Variants in MYB observed in about 807,000 individuals in gnomAD.
MYB encodes MYB proto-oncogene, transcription factor, also known as transcriptional activator Myb.
Under a neutral mutation model 92.9 loss-of-function variants are expected in MYB, and 28 were observed. The observed-to-expected ratio is 0.30, with a 90% CI of 0.22 to 0.41. The LOEUF (loss-of-function observed/expected upper bound fraction) is 0.41, where lower values mean the gene tolerates loss of function less well. MYB is among the 10% of genes least tolerant of loss of function. MYB has a pLI of 1.00. For missense variants in MYB, 679 were observed against 929.3 expected (o/e 0.73, Z 3.50); for synonymous variants, 295 against 329.1 (o/e 0.90, Z 1.12).
chr6:135,194,479 G>A lies in MYB; in HGVS notation c.948+19G>A. 6.4e-7 allele frequency: 1 copy of A among 1,561,496 alleles called. No homozygotes were observed. Among genetic ancestry groups the A allele is most frequent in the Non-Finnish European group, 8.8e-7 (1 of 1,134,898 alleles). ...GCTACCAGTAAGACTGTCATCATGT[G>A]CTTGAATGAGGGGATAGCAGCTTTG... On this transcript the variant is annotated intron_variant, in intron 8 of 15. Transcript: ENST00000341911.
Position 135,200,343 on chromosome 6 carries a change from A to G in MYB, c.1878A>G (p.Glu626=). 1 of 1,614,148 alleles carries G rather than the reference A, an allele frequency of 6.2e-7. No individual in the cohort carries two copies. The highest frequency in any genetic ancestry group is 8.5e-7 in the Non-Finnish European group (1 of 1,180,006). Reference sequence around the variant, plus strand: ...ATCTGCAGGATGTGATCAAACAGGAATCTGATGAATCTGGAATTGTTGCTG... The same window carrying G: ...ATCTGCAGGATGTGATCAAACAGGAGTCTGATGAATCTGGAATTGTTGCTG... ...VEDLQDVIKQ[E]SDESGIVAEF... is the part of the protein sequence containing the mutation. Residue 626 remains glutamate, a synonymous_variant, in exon 13 of 16, where the codon GAA becomes GAG. Coordinates refer to ENST00000341911, the MANE Select transcript of MYB (RefSeq NM_001130173.2).
In MYB at chr6:135,198,964, T is replaced by A; in HGVS notation, c.1623T>A (p.Thr541=). 6.2e-7 allele frequency: 1 copy of A among 1,611,832 alleles called. No individual in the cohort carries two copies. Residue 541 remains threonine, a synonymous_variant, in exon 11 of 16, where the codon ACT becomes ACA. Coordinates refer to ENST00000341911, the MANE Select transcript of MYB (RefSeq NM_001130173.2). ...CAGACTTGGAAATGCCTTCTTTAAC[T>A]TCCACCCCCCTCATTGGTCACAAAT... ...ENSDLEMPSL[T]STPLIGHKLT... is the part of the protein sequence containing the mutation.
chr6:135,213,754 C>T (rs1315826497), intron 15 of MYB, among the ~76,000 whole-genome samples: 1 of 151,848 alleles, frequency 6.6e-6, no homozygotes, highest in Non-Finnish European at 1.5e-5. Flanking sequence ...TAGTGTAGCA[C>T]CTGCCTGTAG....
rs2128328168 is a variant in MYB at position 135,218,028 on chromosome 6, T to C, written c.*48T>C. 4 of 1,395,980 alleles carry C rather than the reference T, an allele frequency of 2.9e-6. No homozygotes were observed. In the East Asian group the frequency reaches 9.1e-5, roughly 32 times the overall value. The allele number at this position is 1,395,980 out of a possible 1,614,324, so 86.5% of individuals were successfully genotyped here. On this transcript the variant is annotated 3_prime_UTR_variant, in exon 16 of 16. Transcript: ENST00000341911. ...GGTTTTCAGAACACTTCAAGTTGAC[T>C]TGGGATATATCATTCCTCAACATGA...
At position 135,190,551 on chromosome 6, in the gene MYB, C is replaced by G. The variant is rs1217757884; in HGVS notation, c.527+204C>G. Among the ~76,000 whole-genome samples, 1 of 152,110 alleles carries G rather than the reference C, an allele frequency of 6.6e-6. No homozygotes were observed. Among genetic ancestry groups the G allele is most frequent in the Non-Finnish European group, 1.5e-5 (1 of 68,028 alleles). On this transcript the variant is annotated intron_variant, in intron 5 of 15. Transcript: ENST00000341911. The surrounding 1 kb of genome is among the most constrained non-coding windows in gnomAD (Gnocchi z 4.5). ...TTCCAGGATCCACCTGACAGTGAGCCCTGGGTGAAGACATTTAGCTTTCCC... is the reference window on the plus strand; with the variant it reads ...TTCCAGGATCCACCTGACAGTGAGCGCTGGGTGAAGACATTTAGCTTTCCC...
chr6:135,194,764 T>A, intron 8 of MYB: 1 of 614,244 alleles, frequency 1.6e-6, no homozygotes, highest in Non-Finnish European at 2.6e-6. Flanking sequence ...TGAATGAAAA[T>A]CTGCATTTTC....
chr6:135,214,042 G>T (rs1442203135), intron 15 of MYB, among the ~76,000 whole-genome samples: 3 of 152,094 alleles, frequency 2.0e-5, no homozygotes, highest in Non-Finnish European at 4.4e-5. Context: ...AGAGGCCAAG[G>T]CAGGAAGATC....
rs1583214388 is a variant in MYB at position 135,181,590 on chromosome 6, G to A, written c.23+54G>A. On this transcript the variant is annotated intron_variant, in intron 1 of 15. Transcript: ENST00000341911. The surrounding 1 kb of genome is among the most constrained non-coding windows in gnomAD (Gnocchi z 5.3). ...GGCGGGGGCGCGCGGGGGCGCGCGG[G>A]GCGCCAGGCTCCCGGGAGCAGGTGG... The A allele has an allele frequency of 1.8e-6, 2 of 1,103,594 alleles. No individual in the cohort carries two copies. The highest frequency in any genetic ancestry group is 2.2e-6 in the Non-Finnish European group (2 of 890,816). 68.4% of individuals were successfully genotyped at this position (1,103,594 alleles called of 1,614,324 possible).
chr6:135,197,615 G>A (rs1777511022), intron 10 of MYB, among the ~76,000 whole-genome samples: 2 of 152,122 alleles, frequency 1.3e-5, no homozygotes, highest in African/African-American at 4.8e-5. Flanking sequence ...TAACATTTCT[G>A]TCCCTTTCTT....
At position 135,181,817 on chromosome 6, in the gene MYB, A is replaced by G. The variant is rs2128278068; in HGVS notation, c.23+281A>G. 6.6e-6 allele frequency among the ~76,000 whole-genome samples: 1 copy of G among 152,298 alleles called. No homozygotes were observed. The highest frequency in any genetic ancestry group is 2.1e-4 in the South Asian group (1 of 4,822). The stretch of plus-strand genomic sequence containing the variant: ...TTTTCTTTAGGGGGAAAAAGAAAGC[A>G]CGTTCCAGCCGAGGGCAGAGCGGTG... On this transcript the variant is annotated intron_variant, in intron 1 of 15. Transcript: ENST00000341911. The surrounding 1 kb of genome is among the most constrained non-coding windows in gnomAD (Gnocchi z 5.3).
rs756740713 is a variant in MYB at position 135,190,077 on chromosome 6, C to T, written c.307-50C>T. 1 of 1,565,852 alleles carries T rather than the reference C, an allele frequency of 6.4e-7. No individual in the cohort carries two copies. Among genetic ancestry groups the T allele is most frequent in the Admixed American group, 1.7e-5 (1 of 58,308 alleles). ...TAACACTGAAGAATGATTATACTGA[C>T]TCATTACATAACTTTAAAACATAGG... is the stretch of plus-strand genomic sequence containing the variant. On this transcript the variant is annotated intron_variant, in intron 4 of 15. Coordinates refer to ENST00000341911, the MANE Select transcript of MYB (RefSeq NM_001130173.2). The surrounding 1 kb of genome is among the most constrained non-coding windows in gnomAD (Gnocchi z 4.5).
intron 6 of MYB, 56 bp from the exon 7 acceptor site, chr6:135,193,782 C>G: frequency 1.6e-6 from 2 of 1,265,532 alleles, no homozygotes; most frequent in Non-Finnish European, 2.3e-6. Context: ...AGCCAAGTCC[C>G]CTGAAGCATA....
At position 135,199,973 on chromosome 6, in the gene MYB, A is replaced by T. The variant is rs1402478648; in HGVS notation, c.1710-112A>T. On this transcript the variant is annotated intron_variant, in intron 11 of 15. Transcript: ENST00000341911. ...ATTAATCAGCACACCCCAATTCCATATCCGGAACAGAGTTTATTGTATTCA... is the reference window on the plus strand; with the variant it reads ...ATTAATCAGCACACCCCAATTCCATTTCCGGAACAGAGTTTATTGTATTCA... 4 of 803,012 alleles carry T rather than the reference A, an allele frequency of 5.0e-6. No homozygotes were observed. In the African/African-American group the frequency reaches 7.0e-5, roughly 14 times the overall value. The allele number at this position is 803,012 out of a possible 1,614,324, so 49.7% of individuals were successfully genotyped here.
chr6:135,204,686 G>C (rs562812908), intron 15 of MYB, among the ~76,000 whole-genome samples: 1 of 152,306 alleles, frequency 6.6e-6, no homozygotes, highest in Admixed American at 6.5e-5. Context: ...GCCTCTCTCT[G>C]ACAGCAATTG....
chr6:135,211,062 G>A (rs117994142), intron 15 of MYB, among the ~76,000 whole-genome samples: 200 of 151,924 alleles, frequency 1.3e-3, no homozygotes, highest in Non-Finnish European at 2.1e-3. Context: ...GTCAGACCTC[G>A]CGGTATGATG....
intron 1 of MYB, among the ~76,000 whole-genome samples, chr6:135,183,663 C>A (rs1484614894): frequency 6.6e-6 from 1 of 152,230 alleles, no homozygotes; most frequent in East Asian, 1.9e-4. Flanking sequence ...CCTGGGTGGC[C>A]AGCCTGGCAG....
intron 9 of MYB, 84 bp from the exon 10 acceptor site, chr6:135,196,877 C>G: frequency 6.3e-7 from 1 of 1,584,384 alleles, no homozygotes; most frequent in South Asian, 1.1e-5. Flanking sequence ...GTTTGCTTTG[C>G]GTTGAGCATC....
At chr6:135,193,748 C>T (rs1478932741) in intron 6 of MYB, 90 bp from the exon 7 acceptor site, 5 of 771,138 alleles carry the variant, frequency 6.5e-6, no homozygotes, top group Admixed American at 4.7e-5. Context: ...TTTTTTCTCT[C>T]AGTCCCAGAA....
In MYB at chr6:135,181,839, G is replaced by T. The variant is rs748567461; in HGVS notation, c.23+303G>T. On this transcript the variant is annotated intron_variant, in intron 1 of 15. Coordinates refer to ENST00000341911, the MANE Select transcript of MYB (RefSeq NM_001130173.2). This position sits in a 1 kb window ranked among gnomAD's most constrained non-coding sequence, Gnocchi z 5.3. ...AGCACGTTCCAGCCGAGGGCAGAGCGGTGCCCACCAGCCCCGGGGAGCCCA... is the reference window on the plus strand; with the variant it reads ...AGCACGTTCCAGCCGAGGGCAGAGCTGTGCCCACCAGCCCCGGGGAGCCCA... Among the ~76,000 whole-genome samples the T allele has an allele frequency of 2.0e-5, 3 of 152,240 alleles. No individual in the cohort carries two copies. The highest frequency in any genetic ancestry group is 2.9e-5 in the Non-Finnish European group (2 of 68,036).
Sources: allele counts gnomAD v4.1 joint callset (sites outside exome capture counted in the v4.1 genomes callset), GRCh38; gene constraint gnomAD v4.1.1; non-coding constraint Gnocchi (gnomAD v3.1); transcripts MANE v1.5; gene names NCBI Gene and HGNC (gene_info 2026-07-23, HGNC 2026-07-21).